Variants in CACNA2D2 observed in about 807,000 individuals in gnomAD.
CACNA2D2 encodes voltage-dependent calcium channel subunit alpha-2/delta-2.
CACNA2D2 carries 48 observed loss-of-function variants against 166.4 expected under a neutral mutation model. That is an observed-to-expected ratio of 0.29 (90% CI 0.23 to 0.37). The LOEUF is 0.37. Among genes scored for constraint, CACNA2D2 ranks in the 10% least tolerant of loss-of-function variants. CACNA2D2 has a pLI of 1.00. For synonymous variants in CACNA2D2, 561 were observed against 573.7 expected (o/e 0.98, Z 0.32); for missense variants, 1,122 against 1,433.0 (o/e 0.78, Z 3.50).
At chr3:50,476,476 C>T (rs1697772005) in intron 1 of CACNA2D2, among the ~76,000 whole-genome samples, 1 of 152,210 alleles carries the variant, frequency 6.6e-6, no homozygotes. Flanking sequence ...GAGAAGCCTG[C>T]AGTGAGGCTA....
chr3:50,378,131 C>T (rs971175382), intron 14 of CACNA2D2, 34 bp from the exon 15 acceptor site: 11 of 1,602,134 alleles, frequency 6.9e-6, no homozygotes, highest in Non-Finnish European at 9.4e-6. Flanking sequence ...GTAATGAGTG[C>T]CTTTCCCAGG....
At chr3:50,482,208 T>C (rs898522103) in intron 1 of CACNA2D2, among the ~76,000 whole-genome samples, 5 of 152,166 alleles carry the variant, frequency 3.3e-5, no homozygotes, top group Admixed American at 1.3e-4. Context: ...AAGCAGGGCT[T>C]GGAACAAGGC....
rs1478086678 is a variant in CACNA2D2, at chr3:50,394,604, C to T, written c.406-436G>A. Among the ~76,000 whole-genome samples the T allele has an allele frequency of 2.0e-5, 3 of 152,358 alleles. No homozygotes were observed. The East Asian group carries it at 5.8e-4, about 29-fold the overall frequency. On this transcript the variant is annotated intron_variant, in intron 3 of 37. Transcript: ENST00000424201. ...TCCACAGGAGGGGCCCACAGCCCAC[C>T]CTGTCCATCCAGGCCCATGGGCCCT...
intron 5 of CACNA2D2, among the ~76,000 whole-genome samples, chr3:50,387,268 C>T (rs940523588): frequency 6.6e-6 from 1 of 152,224 alleles, no homozygotes; most frequent in Non-Finnish European, 1.5e-5. Context: ...TGTCTCCCTC[C>T]TCTCACTGCA....
intron 3 of CACNA2D2, among the ~76,000 whole-genome samples, chr3:50,422,760 A>G (rs1462747913): frequency 6.6e-6 from 1 of 152,202 alleles, no homozygotes; most frequent in African/African-American, 2.4e-5. Flanking sequence ...CTGTAGCTGC[A>G]ATCTCGCCTG....
chr3:50,395,340 A>C (rs1706098691), intron 3 of CACNA2D2, among the ~76,000 whole-genome samples: 1 of 152,136 alleles, frequency 6.6e-6, no homozygotes, highest in East Asian at 1.9e-4. Context: ...AGTCCGGCTC[A>C]GGCTGGGCCC....
chr3:50,422,542 C>A (rs938828594), intron 3 of CACNA2D2, among the ~76,000 whole-genome samples: 1 of 152,204 alleles, frequency 6.6e-6, no homozygotes, highest in African/African-American at 2.4e-5. Context: ...AGCAAAGGAT[C>A]CAAGATGCAA....
In CACNA2D2 at chr3:50,380,045, T is replaced by G. The variant is rs1041974152; in HGVS notation, c.843-27A>C. On this transcript the variant is annotated intron_variant, in intron 8 of 37. Coordinates refer to ENST00000424201, the MANE Select transcript of CACNA2D2 (RefSeq NM_006030.4). The surrounding 1 kb of genome is among the most constrained non-coding windows in gnomAD (Gnocchi z 4.9). ...TGCCCAGGAGATGCCTCTGTTAGGG[T>G]AAGGCCCACTGGGACCTTGTGGGTC... 6.2e-7 allele frequency: 1 copy of G among 1,613,112 alleles called. No homozygotes were observed. The highest frequency in any genetic ancestry group is 1.3e-5 in the African/African-American group (1 of 74,914).
chr3:50,374,955 T>G, intron 21 of CACNA2D2, 142 bp from the exon 22 acceptor site: 1 of 715,412 alleles, frequency 1.4e-6, no homozygotes, highest in Non-Finnish European at 2.4e-6. Flanking sequence ...CCCGCTTAGC[T>G]GCAGGAGGTT....
chr3:50,436,319 TTACCAG>T (rs1708318042), intron 2 of CACNA2D2, among the ~76,000 whole-genome samples: 1 of 152,208 alleles, frequency 6.6e-6, no homozygotes, highest in African/African-American at 2.4e-5. Context: ...GTCAAGGTCA[TTACCAG>T]GTGCAGCCAC....
At chr3:50,370,437 GCTCAGAGCTGACGGGGC>G in intron 22 of CACNA2D2, 57 bp from the exon 23 acceptor site, 6 of 540,562 alleles carry the variant, frequency 1.1e-5, no homozygotes, top group East Asian at 5.9e-5. Flanking sequence ...AGGCCGGGGG[GCTCAGAGCTGACGGGGC>G]TGGAAGGACA....
At chr3:50,488,882 A>T (rs1395081844) in intron 1 of CACNA2D2, among the ~76,000 whole-genome samples, 1 of 151,856 alleles carries the variant, frequency 6.6e-6, no homozygotes, top group East Asian at 1.9e-4. Context: ...TTGTATTTTT[A>T]GTAGAGATGG....
rs1469807055 is a variant in CACNA2D2 at position 50,495,088 on chromosome 3, C to T, written c.206+8130G>A. ...TTAGGGATGAGGGCTGGGCCCTGCC[C>T]ACAGAGTATGTGCAGCCACAGATAT... On this transcript the variant is annotated intron_variant, in intron 1 of 37. Coordinates refer to ENST00000424201, the MANE Select transcript of CACNA2D2 (RefSeq NM_006030.4). Among the ~76,000 whole-genome samples, 4 of 152,352 alleles carry T rather than the reference C, an allele frequency of 2.6e-5. No homozygotes were observed. In the East Asian group the frequency reaches 5.8e-4, roughly 22 times the overall value.
Position 50,422,729 on chromosome 3 carries a change from C to G in CACNA2D2, c.405+11584G>C, listed in dbSNP as rs994884421. Among the ~76,000 whole-genome samples, 6 of 152,352 alleles carry G rather than the reference C, an allele frequency of 3.9e-5. No individual in the cohort carries two copies. In the South Asian group the frequency reaches 8.3e-4, roughly 21 times the overall value. The stretch of plus-strand genomic sequence containing the variant: ...GAAAAAGGAAATCACTGGCAAAGGC[C>G]ACAAGGCTGATGGGTCAGTGCTGTA... On this transcript the variant is annotated intron_variant, in intron 3 of 37. Coordinates refer to ENST00000424201, the MANE Select transcript of CACNA2D2 (RefSeq NM_006030.4).
At chr3:50,462,838 C>T (rs1709652460) in intron 2 of CACNA2D2, among the ~76,000 whole-genome samples, 2 of 151,158 alleles carry the variant, frequency 1.3e-5, no homozygotes, top group African/African-American at 4.9e-5. Context: ...GCCTGTGTAA[C>T]ACTGATTTGA....
intron 2 of CACNA2D2, among the ~76,000 whole-genome samples, chr3:50,435,972 C>T (rs1352449195): frequency 6.6e-6 from 1 of 152,206 alleles, no homozygotes; most frequent in Non-Finnish European, 1.5e-5. Context: ...CAGACGTTCA[C>T]AGAGGGAGAC....
intron 2 of CACNA2D2, among the ~76,000 whole-genome samples, chr3:50,445,285 A>T (rs1404994231): frequency 6.6e-6 from 1 of 152,096 alleles, no homozygotes; most frequent in Non-Finnish European, 1.5e-5. Context: ...CCCACAGTGG[A>T]CTCTGAACCA....
At chr3:50,433,703 G>T (rs1419228548) in intron 3 of CACNA2D2, among the ~76,000 whole-genome samples, 1 of 152,170 alleles carries the variant, frequency 6.6e-6, no homozygotes. Context: ...TCAGGGGTCT[G>T]CCTGCTTTGT....
intron 2 of CACNA2D2, among the ~76,000 whole-genome samples, chr3:50,443,071 T>C (rs906998026): frequency 1.3e-5 from 2 of 152,082 alleles, no homozygotes; most frequent in Non-Finnish European, 2.9e-5. Flanking sequence ...CCTCCCTGAG[T>C]TGGGAGCCGC....
Sources: allele counts gnomAD v4.1 joint callset (sites outside exome capture counted in the v4.1 genomes callset), GRCh38; gene constraint gnomAD v4.1.1; non-coding constraint Gnocchi (gnomAD v3.1); transcripts MANE v1.5; gene names NCBI Gene and HGNC (gene_info 2026-07-23, HGNC 2026-07-21).